The following GAN variants were observed in gnomAD, a reference collection of about 807,000 sequenced individuals.
GAN encodes the protein gigaxonin, also known as epididymis secretory sperm binding protein.
GAN carries 48 observed loss-of-function variants against 71.3 expected under a neutral mutation model. That is an observed-to-expected ratio of 0.67 (90% CI 0.53 to 0.86). The LOEUF (loss-of-function observed/expected upper bound fraction) is 0.86. Ranked by LOEUF, GAN falls within the 40% of genes least tolerant of loss-of-function variation. The pLI, the probability that GAN is intolerant of heterozygous loss-of-function variation, is 0.00. For synonymous variants in GAN, 386 were observed against 276.8 expected (o/e 1.39, Z -3.92); for missense variants, 928 against 770.1 (o/e 1.21, Z -2.43).
chr16:81,344,281 A>G (rs1410509956), intron 1 of GAN, among the ~76,000 whole-genome samples: 3 of 152,242 alleles, frequency 2.0e-5, no homozygotes, highest in Non-Finnish European at 4.4e-5. Flanking sequence ...ATATGGAAGC[A>G]AAAAAGAGCC....
rs11862189 is a variant in GAN, at chr16:81,389,049, C to G, written c.*11453C>G. The stretch of plus-strand genomic sequence containing the variant: ...CAGCTTAAGAAGTAAAGAAGTGAGC[C>G]TTCCATTTGTGTGGGTGATAACATC... On this transcript the variant is annotated 3_prime_UTR_variant, in exon 11 of 11. Transcript: ENST00000648994. 288 of 152,260 alleles carry G rather than the reference C, an allele frequency of 1.9e-3. 2 individuals carry two copies. Among genetic ancestry groups the G allele is most frequent in the African/African-American group, 6.6e-3 (274 of 41,550 alleles). 9.4% of individuals were successfully genotyped at this position (152,260 alleles called of 1,614,324 possible). A position where few individuals can be genotyped will look rare whatever the true frequency, so the allele number is the denominator to read the frequency against.
At chr16:81,318,097 T>C (rs1246896620) in intron 1 of GAN, among the ~76,000 whole-genome samples, 1 of 152,230 alleles carries the variant, frequency 6.6e-6, no homozygotes, top group East Asian at 1.9e-4. Flanking sequence ...ATACCAATAA[T>C]ATTGGGCTTT....
chr16:81,366,276 CTG>C (rs1910854205), intron 9 of GAN, among the ~76,000 whole-genome samples: 1 of 152,214 alleles, frequency 6.6e-6, no homozygotes, highest in Admixed American at 6.5e-5. Flanking sequence ...TCCTACCTGT[CTG>C]TATCAGATGC....
At chr16:81,334,587 T>G (rs1279414769) in intron 1 of GAN, among the ~76,000 whole-genome samples, 1 of 152,202 alleles carries the variant, frequency 6.6e-6, no homozygotes, top group East Asian at 1.9e-4. Flanking sequence ...CCCATTCGGA[T>G]TATTGCACTG....
intron 1 of GAN, among the ~76,000 whole-genome samples, chr16:81,336,057 C>T (rs542760112): frequency 6.6e-6 from 1 of 152,250 alleles, no homozygotes; most frequent in South Asian, 2.1e-4. Context: ...GTTGCTGTCT[C>T]CTACCCTCAG....
chr16:81,350,993 T>C (rs1054951682), intron 1 of GAN, among the ~76,000 whole-genome samples: 1 of 152,238 alleles, frequency 6.6e-6, no homozygotes, highest in Non-Finnish European at 1.5e-5. Context: ...TATAAAATTT[T>C]AAGTCATTTA....
intron 1 of GAN, among the ~76,000 whole-genome samples, chr16:81,343,440 C>T (rs1385236313): frequency 2.0e-5 from 3 of 152,176 alleles, no homozygotes; most frequent in Non-Finnish European, 4.4e-5. Context: ...GGCTTCATCC[C>T]TGGGATGCAA....
At chr16:81,332,172 A>G (rs895885993) in intron 1 of GAN, among the ~76,000 whole-genome samples, 14 of 151,934 alleles carry the variant, frequency 9.2e-5, no homozygotes, top group African/African-American at 3.4e-4. Context: ...AAAAAAAAAA[A>G]AAAAGAAAAA....
intron 1 of GAN, among the ~76,000 whole-genome samples, chr16:81,337,222 C>T (rs1263994702): frequency 6.6e-6 from 1 of 152,250 alleles, no homozygotes; most frequent in East Asian, 1.9e-4. Flanking sequence ...GCTACACAGG[C>T]CCCTCTTCAA....
At chr16:81,341,316 A>C (rs1348417905) in intron 1 of GAN, among the ~76,000 whole-genome samples, 1 of 152,134 alleles carries the variant, frequency 6.6e-6, no homozygotes. Context: ...ACTCCTCGAG[A>C]AGAGCAACCC....
intron 1 of GAN, among the ~76,000 whole-genome samples, chr16:81,320,045 T>C (rs1386461159): frequency 1.3e-5 from 2 of 152,218 alleles, no homozygotes; most frequent in Non-Finnish European, 2.9e-5. Context: ...TATTCTGTTG[T>C]ATAAATCCAG....
At chr16:81,324,171 A>G (rs537248177) in intron 1 of GAN, among the ~76,000 whole-genome samples, 1 of 152,194 alleles carries the variant, frequency 6.6e-6, no homozygotes, top group East Asian at 1.9e-4. Context: ...ACATTTACAG[A>G]AATGACTTTC....
intron 9 of GAN, among the ~76,000 whole-genome samples, chr16:81,375,479 A>G (rs1904277342): frequency 6.6e-6 from 1 of 151,360 alleles, no homozygotes; most frequent in African/African-American, 2.4e-5. Context: ...GACAGATGCC[A>G]CCACATTTGG....
chr16:81,335,516 G>A (rs1332042775), intron 1 of GAN, among the ~76,000 whole-genome samples: 2 of 152,024 alleles, frequency 1.3e-5, no homozygotes, highest in East Asian at 1.9e-4. Flanking sequence ...GGAGACCAAG[G>A]TGGGCAGATC....
chr16:81,377,771 C>G lies in GAN; in HGVS notation c.*175C>G. 1.5e-6 allele frequency: 1 copy of G among 659,226 alleles called. No homozygotes were observed. Among genetic ancestry groups the G allele is most frequent in the Non-Finnish European group, 2.7e-6 (1 of 372,652 alleles). 40.8% of individuals were successfully genotyped at this position (659,226 alleles called of 1,614,324 possible). A position where few individuals can be genotyped will look rare whatever the true frequency, so the allele number is the denominator to read the frequency against. On this transcript the variant is annotated 3_prime_UTR_variant, in exon 11 of 11. Coordinates refer to ENST00000648994, the MANE Select transcript of GAN (RefSeq NM_022041.4). ...GCTTTAGCTCTTGTTTGGGAGAACA[C>G]GTAACTGTTGAAAAACTACCTGGGA...
chr16:81,375,878 G>C (rs538483786), intron 9 of GAN, among the ~76,000 whole-genome samples: 1 of 151,358 alleles, frequency 6.6e-6, no homozygotes, highest in Non-Finnish European at 1.5e-5. Context: ...GGTGGGGTGA[G>C]AGGATCACTA....
Position 81,390,571 on chromosome 16 carries a change from A to G in GAN, c.*12975A>G, listed in dbSNP as rs1904532191. The G allele has an allele frequency of 6.6e-6, 1 of 152,202 alleles. No individual in the cohort carries two copies. Among genetic ancestry groups the G allele is most frequent in the Admixed American group, 6.5e-5 (1 of 15,282 alleles). The allele number at this position is 152,202 out of a possible 1,614,324, so 9.4% of individuals were successfully genotyped here. A position where few individuals can be genotyped will look rare whatever the true frequency, so the allele number is the denominator to read the frequency against. ...ATCATGCTGTTCTCTTGTACCAAGG[A>G]TCAGTGAAAGTGTTTTATCTTTTTT... On this transcript the variant is annotated 3_prime_UTR_variant, in exon 11 of 11. Transcript: ENST00000648994.
At chr16:81,359,581 G>T (rs746780230) in intron 5 of GAN, among the ~76,000 whole-genome samples, 4 of 152,072 alleles carry the variant, frequency 2.6e-5, no homozygotes, top group Non-Finnish European at 4.4e-5. Context: ...CAGTACCTGT[G>T]TTCTCTTCAG....
intron 4 of GAN, among the ~76,000 whole-genome samples, 170 bp from the exon 5 acceptor site, chr16:81,357,640 T>A (rs577462730): frequency 3.4e-4 from 52 of 152,310 alleles, no homozygotes; most frequent in Admixed American, 8.5e-4. Context: ...GATGGCTGGG[T>A]CAAATGGCAT....
Sources: allele counts gnomAD v4.1 joint callset (sites outside exome capture counted in the v4.1 genomes callset), GRCh38; gene constraint gnomAD v4.1.1; transcripts MANE v1.5; gene names NCBI Gene and HGNC (gene_info 2026-07-23, HGNC 2026-07-21).